CAMSAP2: variants seen among roughly 807,000 people sequenced by gnomAD.
CAMSAP2 encodes calmodulin-regulated spectrin-associated protein 2.
In CAMSAP2, 26 loss-of-function variants were observed where a neutral mutation model predicts 146.1. The ratio of observed to expected loss-of-function variants is 0.18; its 90% CI spans 0.13 to 0.25. CAMSAP2 has a LOEUF of 0.25. Ranked by LOEUF, CAMSAP2 falls within the 10% of genes least tolerant of loss-of-function variation. CAMSAP2 has a pLI of 1.00. For missense variants in CAMSAP2, 1,381 were observed against 1,759.3 expected (o/e 0.78, Z 3.85); for synonymous variants, 499 against 596.6 (o/e 0.84, Z 2.38).
At chr1:200,759,026 G>A (rs779182826) in intron 1 of CAMSAP2, among the ~76,000 whole-genome samples, 2 of 152,072 alleles carry the variant, frequency 1.3e-5, no homozygotes, top group African/African-American at 4.8e-5. Flanking sequence ...AAAACTGTCA[G>A]CACCTCCTTG....
At chr1:200,793,785 TCA>T (rs1434408982) in intron 2 of CAMSAP2, among the ~76,000 whole-genome samples, 1 of 152,192 alleles carries the variant, frequency 6.6e-6, no homozygotes, top group African/African-American at 2.4e-5. Context: ...GCAACTGGAC[TCA>T]CAAACGTTGT....
intron 3 of CAMSAP2, among the ~76,000 whole-genome samples, chr1:200,811,090 A>C (rs1666318368): frequency 6.6e-6 from 1 of 152,212 alleles, no homozygotes; most frequent in African/African-American, 2.4e-5. Context: ...AGGCAAATCC[A>C]ATCAATATTT....
Position 200,739,116 on chromosome 1 carries a change from C to T in CAMSAP2, c.-712C>T, listed in dbSNP as rs1333320292. Among the ~76,000 whole-genome samples the T allele has an allele frequency of 6.6e-6, 1 of 151,530 alleles. No individual in the cohort carries two copies. The highest frequency in any genetic ancestry group is 1.5e-5 in the Non-Finnish European group (1 of 67,846). ...AGGAAGACCCGGGAGACGGCAGCGG[C>T]GACGGCGGCAGGGGAAGGAGGAGAC... On this transcript the variant is annotated 5_prime_UTR_variant, in exon 1 of 17. Transcript: ENST00000358823. This position sits in a 1 kb window ranked among gnomAD's most constrained non-coding sequence, Gnocchi z 4.8.
chr1:200,850,772 C>T (rs1667599369), intron 11 of CAMSAP2, among the ~76,000 whole-genome samples: 1 of 152,188 alleles, frequency 6.6e-6, no homozygotes, highest in African/African-American at 2.4e-5. Context: ...ATGGTTACAG[C>T]TTCTTGACTG....
At chr1:200,745,495 C>T (rs1664296794) in intron 1 of CAMSAP2, among the ~76,000 whole-genome samples, 1 of 151,850 alleles carries the variant, frequency 6.6e-6, no homozygotes, top group Non-Finnish European at 1.5e-5. Context: ...TGATAGTTCA[C>T]CCTTTTTAAA....
intron 6 of CAMSAP2, among the ~76,000 whole-genome samples, chr1:200,834,874 T>G (rs1667146626): frequency 6.6e-6 from 1 of 152,210 alleles, no homozygotes; most frequent in Non-Finnish European, 1.5e-5. Context: ...ATTGCATGAC[T>G]GCACTCCAAA....
In CAMSAP2 at chr1:200,812,525, C is replaced by T. The variant is rs553192102; in HGVS notation, c.562-3036C>T. 8.9e-4 allele frequency among the ~76,000 whole-genome samples: 135 copies of T among 152,168 alleles called. No individual in the cohort carries two copies. In the Middle Eastern group the frequency reaches 0.014, roughly 15 times the overall value. On this transcript the variant is annotated intron_variant, in intron 3 of 16. Coordinates refer to ENST00000358823, the MANE Select transcript of CAMSAP2 (RefSeq NM_203459.4). ...CAGCCCCAGCATTATTTTTTATTCTCGCATTATGACTTTACCCTTGCCTCT... is the reference window on the plus strand; with the variant it reads ...CAGCCCCAGCATTATTTTTTATTCTTGCATTATGACTTTACCCTTGCCTCT...
Position 200,760,822 on chromosome 1 carries a change from TC to T in CAMSAP2, c.140-15del. The T allele has an allele frequency of 6.6e-7, 1 of 1,518,530 alleles. No homozygotes were observed. The highest frequency in any genetic ancestry group is 1.4e-5 in the African/African-American group (1 of 72,408). 94.1% of individuals were successfully genotyped at this position (1,518,530 alleles called of 1,614,324 possible). A position where few individuals can be genotyped will look rare whatever the true frequency, so the allele number is the denominator to read the frequency against. ...ATAAAAATCTTGTAAGAGAATTTTT[TC>T]CATTAATCTTTATAGAAAATGTGCC... On this transcript the variant is annotated splice_polypyrimidine_tract_variant and intron_variant, in intron 1 of 16. Coordinates refer to ENST00000358823, the MANE Select transcript of CAMSAP2 (RefSeq NM_203459.4).
intron 2 of CAMSAP2, among the ~76,000 whole-genome samples, chr1:200,796,858 T>A (rs1665898335): frequency 6.6e-6 from 1 of 151,746 alleles, no homozygotes; most frequent in South Asian, 2.1e-4. Context: ...AGTGTGATAT[T>A]CCCCTTCCTG....
intron 3 of CAMSAP2, 36 bp from the exon 4 acceptor site, chr1:200,815,525 G>A (rs1307011665): frequency 3.6e-6 from 4 of 1,107,362 alleles, no homozygotes; most frequent in Non-Finnish European, 5.0e-6. Context: ...TTCAAAAAAA[G>A]AATAAAAATT....
intron 4 of CAMSAP2, among the ~76,000 whole-genome samples, chr1:200,817,101 T>TAC (rs545699822): frequency 1.4e-5 from 2 of 145,148 alleles, no homozygotes; most frequent in Admixed American, 1.3e-4. Flanking sequence ...TATATATGTA[T>TAC]ACACACACGT....
chr1:200,790,174 A>C (rs138582833), intron 2 of CAMSAP2, among the ~76,000 whole-genome samples: 1 of 152,170 alleles, frequency 6.6e-6, no homozygotes, highest in African/African-American at 2.4e-5. Flanking sequence ...GCTAGAGGGG[A>C]CAGGATTTGA....
chr1:200,844,237 T>G (rs1667403053), intron 7 of CAMSAP2, among the ~76,000 whole-genome samples: 1 of 152,022 alleles, frequency 6.6e-6, no homozygotes, highest in African/African-American at 2.4e-5. Context: ...TTATCCTTAA[T>G]CAGATGAATT....
chr1:200,808,875 G>A (rs1383929413), intron 3 of CAMSAP2, among the ~76,000 whole-genome samples: 4 of 152,184 alleles, frequency 2.6e-5, no homozygotes, highest in Admixed American at 6.5e-5. Flanking sequence ...AGTACTCTCA[G>A]TTCTTATGTC....
At chr1:200,759,059 G>A (rs770727244) in intron 1 of CAMSAP2, among the ~76,000 whole-genome samples, 8 of 152,128 alleles carry the variant, frequency 5.3e-5, no homozygotes, top group South Asian at 2.1e-4. Context: ...CAAAGTCCTC[G>A]TGTTTAAAAG....
At chr1:200,786,721 A>G (rs997549021) in intron 2 of CAMSAP2, among the ~76,000 whole-genome samples, 12 of 152,230 alleles carry the variant, frequency 7.9e-5, no homozygotes, top group Non-Finnish European at 1.5e-4. Context: ...GCCTTCCTTT[A>G]GAAGAGGATG....
chr1:200,757,188 T>A (rs781316645), intron 1 of CAMSAP2, among the ~76,000 whole-genome samples: 3 of 152,208 alleles, frequency 2.0e-5, no homozygotes, highest in Non-Finnish European at 4.4e-5. Flanking sequence ...GTGATGATAT[T>A]TCTAAAATGT....
At chr1:200,824,439 C>G (rs1414488135) in intron 4 of CAMSAP2, among the ~76,000 whole-genome samples, 1 of 152,018 alleles carries the variant, frequency 6.6e-6, no homozygotes, top group Non-Finnish European at 1.5e-5. Flanking sequence ...ACTTCTAGGC[C>G]CTATTTCAGT....
chr1:200,822,068 C>A (rs1434410445), intron 4 of CAMSAP2, among the ~76,000 whole-genome samples: 1 of 151,862 alleles, frequency 6.6e-6, no homozygotes, highest in African/African-American at 2.4e-5. Context: ...AGTTTTTCAA[C>A]AGATTCATCA....
Sources: allele counts gnomAD v4.1 joint callset (sites outside exome capture counted in the v4.1 genomes callset), GRCh38; gene constraint gnomAD v4.1.1; non-coding constraint Gnocchi (gnomAD v3.1); transcripts MANE v1.5; gene names NCBI Gene and HGNC (gene_info 2026-07-23, HGNC 2026-07-21).